Variants in ACOXL observed in about 807,000 individuals in gnomAD.
The protein encoded by ACOXL is acyl-coenzyme A oxidase-like protein.
Under a neutral mutation model 71.9 loss-of-function variants are expected in ACOXL, and 70 were observed. The observed-to-expected ratio is 0.97, with a 90% CI of 0.80 to 1.19. The LOEUF (loss-of-function observed/expected upper bound fraction) is 1.19, where lower values mean the gene tolerates loss of function less well. Ranked by LOEUF, ACOXL falls within the 50% of genes most tolerant of loss-of-function variation. ACOXL has a pLI of 0.00. For missense variants in ACOXL, 703 were observed against 736.3 expected (o/e 0.95, Z 0.52); for synonymous variants, 253 against 281.6 (o/e 0.90, Z 1.02).
chr2:110,794,255 C>A, intron 5 of ACOXL, 81 bp downstream of exon 5: 1 of 1,339,682 alleles, frequency 7.5e-7, no homozygotes. Flanking sequence ...CTGTGTCCAG[C>A]TTCACACCCT....
intron 9 of ACOXL, among the ~76,000 whole-genome samples, chr2:110,837,303 C>T (rs1690576911): frequency 1.3e-5 from 2 of 152,116 alleles, no homozygotes; most frequent in Admixed American, 1.3e-4. Flanking sequence ...GATCGGATTC[C>T]CAGTGACATA....
intron 10 of ACOXL, among the ~76,000 whole-genome samples, chr2:110,861,119 G>A (rs777276576): frequency 3.3e-5 from 5 of 152,220 alleles, no homozygotes; most frequent in Non-Finnish European, 7.3e-5. Context: ...GGGCAACAGA[G>A]TGAGACCCTA....
intron 9 of ACOXL, among the ~76,000 whole-genome samples, chr2:110,812,232 A>G (rs923091963): frequency 2.0e-5 from 3 of 152,226 alleles, no homozygotes; most frequent in African/African-American, 7.2e-5. Context: ...GGATGGGTAT[A>G]AAATGGTTAA....
intron 11 of ACOXL, among the ~76,000 whole-genome samples, chr2:110,923,805 G>A (rs1558736298): frequency 1.3e-5 from 2 of 152,054 alleles, no homozygotes; most frequent in Admixed American, 6.6e-5. Context: ...GCGTGGTGGT[G>A]GGGGCCTGTA....
intron 17 of ACOXL, chr2:111,093,747 C>T (rs1321643903): frequency 2.2e-6 from 1 of 453,718 alleles, no homozygotes; most frequent in East Asian, 3.7e-5. Flanking sequence ...GGCTGTAGTC[C>T]CAGCTACTCG....
intron 14 of ACOXL, among the ~76,000 whole-genome samples, chr2:111,014,036 G>A (rs2064308871): frequency 6.6e-6 from 1 of 152,180 alleles, no homozygotes. Context: ...ATGAGCTGAT[G>A]ATGAAAAGTC....
chr2:110,781,539 A>T (rs1300158043), intron 2 of ACOXL, among the ~76,000 whole-genome samples: 3 of 151,894 alleles, frequency 2.0e-5, no homozygotes, highest in African/African-American at 7.3e-5. Flanking sequence ...CTACTCGGGA[A>T]GCTGAGGCAG....
rs76253073 is a variant in ACOXL at position 110,889,457 on chromosome 2, C to G, written c.789-19332C>G. On this transcript the variant is annotated intron_variant, in intron 10 of 17. Coordinates refer to ENST00000439055, the MANE Select transcript of ACOXL (RefSeq NM_001142807.4). ...AATCTAATTTTACATTTCTATCAAC[C>G]CTTGAAAGAAACCCTGTATTCTTTA... 3.6e-3 allele frequency among the ~76,000 whole-genome samples: 548 copies of G among 152,238 alleles called. 7 individuals carry two copies. Among genetic ancestry groups the G allele is most frequent in the African/African-American group, 0.013 (531 of 41,532 alleles).
chr2:110,873,539 G>T (rs1288778138), intron 10 of ACOXL, among the ~76,000 whole-genome samples: 23 of 152,308 alleles, frequency 1.5e-4, no homozygotes, highest in Non-Finnish European at 2.9e-5. Flanking sequence ...AATTATTCCT[G>T]TCTCTCTTTT....
At chr2:110,876,728 T>C (rs1231705739) in intron 10 of ACOXL, among the ~76,000 whole-genome samples, 2 of 152,140 alleles carry the variant, frequency 1.3e-5, no homozygotes, top group Non-Finnish European at 2.9e-5. Context: ...TCGGAATCAA[T>C]GAAATGATTC....
intron 14 of ACOXL, among the ~76,000 whole-genome samples, chr2:111,025,834 G>A (rs1398632945): frequency 1.3e-5 from 2 of 152,104 alleles, no homozygotes; most frequent in Admixed American, 1.3e-4. Context: ...CTAAACCAAG[G>A]TCACTAAGAT....
intron 17 of ACOXL, among the ~76,000 whole-genome samples, chr2:111,106,763 C>T (rs534987678): frequency 2.0e-5 from 3 of 152,250 alleles, no homozygotes; most frequent in African/African-American, 7.2e-5. Context: ...TACTTAGTCT[C>T]TGTTGACATC....
chr2:110,819,121 G>A (rs1358138861), intron 9 of ACOXL, among the ~76,000 whole-genome samples: 1 of 152,220 alleles, frequency 6.6e-6, no homozygotes, highest in Non-Finnish European at 1.5e-5. Context: ...TGGAGCATGT[G>A]TGGATGTTTA....
intron 12 of ACOXL, among the ~76,000 whole-genome samples, chr2:110,938,315 G>A (rs1350641910): frequency 2.0e-5 from 3 of 152,108 alleles, no homozygotes; most frequent in South Asian, 2.1e-4. Flanking sequence ...GGGAAAAAGC[G>A]GGAACCAGAC....
At chr2:111,033,245 T>G (rs2149756671) in intron 15 of ACOXL, among the ~76,000 whole-genome samples, 1 of 152,308 alleles carries the variant, frequency 6.6e-6, no homozygotes, top group South Asian at 2.1e-4. Flanking sequence ...GGCACAGGAT[T>G]GGGTCCCGTC....
chr2:111,059,053 A>C (rs1360551662), intron 16 of ACOXL, among the ~76,000 whole-genome samples: 3 of 152,228 alleles, frequency 2.0e-5, no homozygotes, highest in African/African-American at 4.8e-5. Flanking sequence ...CAGCCTGGGC[A>C]ACATAGATCT....
chr2:110,777,604 A>G (rs1256468688), intron 2 of ACOXL, among the ~76,000 whole-genome samples: 1 of 152,128 alleles, frequency 6.6e-6, no homozygotes, highest in Non-Finnish European at 1.5e-5. Context: ...GAATCTTGTA[A>G]CTCAAGATGA....
At chr2:110,749,584 T>A (rs113541541) in intron 1 of ACOXL, among the ~76,000 whole-genome samples, 10 of 152,140 alleles carry the variant, frequency 6.6e-5, no homozygotes, top group African/African-American at 2.4e-4. Flanking sequence ...AAACATTAGC[T>A]GGGCACGGTG....
chr2:111,010,035 T>C (rs925273806), intron 14 of ACOXL, among the ~76,000 whole-genome samples: 1 of 152,208 alleles, frequency 6.6e-6, no homozygotes, highest in Non-Finnish European at 1.5e-5. Context: ...TTAGGGTCAG[T>C]ATCATTATAG....
Sources: gnomAD v4.1 joint callset for allele counts (sites outside exome capture counted in the v4.1 genomes callset) on GRCh38, gnomAD v4.1.1 for gene constraint, MANE v1.5 for transcripts, NCBI Gene and HGNC (gene_info 2026-07-23, HGNC 2026-07-21) for gene names.